The following IGLON5 variants were observed in gnomAD, a reference collection of about 807,000 sequenced individuals.
The protein encoded by IGLON5 is IgLON family member 5, also known as Ig-like domain-containing protein ENSP00000270642.
IGLON5 carries 16 observed loss-of-function variants against 38.2 expected under a neutral mutation model. The observed-to-expected ratio is 0.42, with a 90% CI of 0.28 to 0.64. The LOEUF (loss-of-function observed/expected upper bound fraction) is 0.64, where lower values mean the gene tolerates loss of function less well. Among genes scored for constraint, IGLON5 ranks in the 30% least tolerant of loss-of-function variants. IGLON5 has a pLI of 0.23. For synonymous variants in IGLON5, 207 were observed against 216.4 expected (o/e 0.96, Z 0.38); for missense variants, 366 against 483.4 (o/e 0.76, Z 2.28).
rs772175197 is a variant in IGLON5 at position 51,323,736 on chromosome 19, G to A, written c.233G>A (p.Arg78His). The A allele has an allele frequency of 1.2e-5, 19 of 1,613,834 alleles. No individual in the cohort carries two copies. Among genetic ancestry groups the A allele is most frequent in the South Asian group, 4.4e-5 (4 of 91,090 alleles). The change falls in exon 3 of 8, where the codon CGC becomes CAC. Residue 78 changes from arginine to histidine, a missense_variant. Physicochemically the swap from Arg to His is conservative, Grantham distance 29 (BLOSUM62 0). Coordinates refer to ENST00000270642, the MANE Select transcript of IGLON5 (RefSeq NM_001101372.3). ...AACATCCTGTATGCCGGCAATGACC[G>A]CTGGACCAGCGACCCGCGGGTGCGG... The part of the protein sequence containing the change: ...RSNILYAGND[R>H]WTSDPRVRLL...
At chr19:51,326,643 A>G in intron 4 of IGLON5, 121 bp from the exon 5 acceptor site, 1 of 150,832 alleles carries the variant, frequency 6.6e-6, no homozygotes, top group South Asian at 7.7e-5. Context: ...ACCCCCATTG[A>G]CCCGGGCACT....
chr19:51,326,607 C>T (rs928727311), intron 4 of IGLON5, among the ~76,000 whole-genome samples, 157 bp from the exon 5 acceptor site: 6 of 151,318 alleles, frequency 4.0e-5, no homozygotes, highest in East Asian at 1.9e-4. Flanking sequence ...CCCAGGCCCC[C>T]GGCCCTGCAG....
At chr19:51,326,596 TC>T (rs1296136880) in intron 4 of IGLON5, among the ~76,000 whole-genome samples, 167 bp from the exon 5 acceptor site, 1 of 109,906 alleles carries the variant, frequency 9.1e-6, no homozygotes, top group African/African-American at 3.6e-5. Flanking sequence ...GCTGGAGAGA[TC>T]CCAGGCCCCC....
chr19:51,313,475 ATACT>A (rs1305191427), intron 1 of IGLON5, among the ~76,000 whole-genome samples: 2 of 152,046 alleles, frequency 1.3e-5, no homozygotes, highest in Admixed American at 6.6e-5. Flanking sequence ...CAGTCTCTTG[ATACT>A]TGCTTGCTTC....
intron 1 of IGLON5, among the ~76,000 whole-genome samples, chr19:51,317,082 C>T (rs1237114554): frequency 2.0e-5 from 3 of 152,160 alleles, no homozygotes; most frequent in Non-Finnish European, 4.4e-5. Context: ...GATTCTCACC[C>T]CCAGCCCAAG....
intron 1 of IGLON5, among the ~76,000 whole-genome samples, chr19:51,315,248 G>C (rs1194338534): frequency 6.6e-6 from 1 of 151,912 alleles, no homozygotes; most frequent in Non-Finnish European, 1.5e-5. Flanking sequence ...TTTGCTTCTG[G>C]GGCAGCTAGC....
At chr19:51,319,157 T>C (rs1984993778) in intron 1 of IGLON5, among the ~76,000 whole-genome samples, 1 of 152,152 alleles carries the variant, frequency 6.6e-6, no homozygotes, top group Admixed American at 6.5e-5. Flanking sequence ...GTCTGGGGGA[T>C]AGGGCAGGGT....
intron 1 of IGLON5, among the ~76,000 whole-genome samples, chr19:51,315,801 T>C (rs968471569): frequency 6.2e-5 from 9 of 145,480 alleles, no homozygotes; most frequent in Non-Finnish European, 1.3e-4. Context: ...GTTCACACCA[T>C]TCTCCTGCCT....
rs185065680 is a variant in IGLON5, at chr19:51,316,216, G to A, written c.79+4290G>A. 4.4e-3 allele frequency among the ~76,000 whole-genome samples: 657 copies of A among 149,178 alleles called. 5 individuals are homozygous for A. Among genetic ancestry groups the A allele is most frequent in the African/African-American group, 0.015 (603 of 40,762 alleles). On this transcript the variant is annotated intron_variant, in intron 1 of 7. Transcript: ENST00000270642. ...AAAAAAAAGCCAGGCATGGTGGCAC[G>A]CACCAGTAGTCCCAGCTACTCAGGA... is the stretch of plus-strand genomic sequence containing the variant.
At chr19:51,326,671 C>T in intron 4 of IGLON5, 93 bp from the exon 5 acceptor site, 2 of 935,648 alleles carry the variant, frequency 2.1e-6, no homozygotes, top group African/African-American at 1.7e-5. Flanking sequence ...TTGCCGTGCC[C>T]GCCCCGCTGA....
intron 1 of IGLON5, among the ~76,000 whole-genome samples, chr19:51,321,565 GTATCTGTGTCTGTGTA>G (rs1985056299): frequency 6.7e-6 from 1 of 149,472 alleles, no homozygotes; most frequent in Admixed American, 6.7e-5. Context: ...GTGTACACAG[GTATCTGTGTCTGTGTA>G]TATGTGTCTG....
chr19:51,321,739 G>A (rs987795947), intron 1 of IGLON5, among the ~76,000 whole-genome samples: 4 of 152,218 alleles, frequency 2.6e-5, no homozygotes, highest in Non-Finnish European at 5.9e-5. Context: ...CTGGAGGTGT[G>A]TAGGTTTGTA....
In IGLON5 at chr19:51,316,937, G is replaced by A. The variant is rs1296629571; in HGVS notation, c.79+5011G>A. On this transcript the variant is annotated intron_variant, in intron 1 of 7. Transcript: ENST00000270642. ...CCTCCCTGCCCCAGTCTCATGCCCCGCCCCTCCACCCCCTACCTCCCAGGT... is the reference window on the plus strand; with the variant it reads ...CCTCCCTGCCCCAGTCTCATGCCCCACCCCTCCACCCCCTACCTCCCAGGT... Among the ~76,000 whole-genome samples, 12 of 56,498 alleles carry A rather than the reference G, an allele frequency of 2.1e-4. No homozygotes were observed. The East Asian group carries it at 6.3e-3, about 30-fold the overall frequency. The allele number at this position is 56,498 out of a possible 152,430, so 37.1% of individuals were successfully genotyped here.
At position 51,323,751 on chromosome 19, in the gene IGLON5, C is replaced by A. The variant is rs768909207; in HGVS notation, c.248C>A (p.Pro83Gln). The change falls in exon 3 of 8, where the codon CCG (proline) becomes CAG (glutamine). Residue 83 changes from proline to glutamine, a missense_variant. Transcript: ENST00000270642. ...YAGNDRWTSDPRVRLLINTPE... is the reference protein window; with the variant it reads ...YAGNDRWTSDQRVRLLINTPE... ...GGCAATGACCGCTGGACCAGCGACC[C>A]GCGGGTGCGGCTGCTCATCAACACC... The A allele has an allele frequency of 6.2e-7, 1 of 1,613,968 alleles. No homozygotes were observed. The highest frequency in any genetic ancestry group is 1.1e-5 in the South Asian group (1 of 91,084).
intron 1 of IGLON5, among the ~76,000 whole-genome samples, chr19:51,313,663 C>CTTTCTTTCTT (rs1984834508): frequency 1.4e-5 from 1 of 72,146 alleles, no homozygotes; most frequent in Admixed American, 1.3e-4. Context: ...TTCTTTCTTT[C>CTTTCTTTCTT]TTTCTTTCTT....
intron 1 of IGLON5, among the ~76,000 whole-genome samples, chr19:51,312,314 G>T (rs1984786671): frequency 6.6e-6 from 1 of 151,948 alleles, no homozygotes; most frequent in Admixed American, 6.5e-5. Context: ...TTGGGGTGGG[G>T]GGCAGGGGAT....
rs759387081 is a variant in IGLON5, at chr19:51,327,906, G to GGGGCC, written c.922+24_922+28dup. The GGGGCC allele has an allele frequency of 3.4e-5, 51 of 1,484,464 alleles. No homozygotes were observed. The South Asian group carries it at 3.9e-4, about 11-fold the overall frequency. The allele number at this position is 1,484,464 out of a possible 1,614,324, so 92.0% of individuals were successfully genotyped here. On this transcript the variant is annotated intron_variant, in intron 7 of 7. Transcript: ENST00000270642. The surrounding 1 kb of genome is among the most constrained non-coding windows in gnomAD (Gnocchi z 7.1). The stretch of plus-strand genomic sequence containing the variant: ...TCCTGCGTGCGTCTTCGGGCGGGGC[G>GGGGCC]GGGCCGGGAAGGTGGGCGGGGCCGG...
At chr19:51,326,966 G>T in intron 5 of IGLON5, 68 bp downstream of exon 5, 1 of 1,574,682 alleles carries the variant, frequency 6.4e-7, no homozygotes, top group East Asian at 2.3e-5. Flanking sequence ...GAGGGATCTG[G>T]GGGAAGAGGA....
chr19:51,323,972 G>A lies in IGLON5; in HGVS notation c.391+78G>A, dbSNP rs1985152390. 10 of 980,632 alleles carry A rather than the reference G, an allele frequency of 1.0e-5. No individual in the cohort carries two copies. In the South Asian group the frequency reaches 1.2e-4, roughly 12 times the overall value. 60.7% of individuals were successfully genotyped at this position (980,632 alleles called of 1,614,324 possible). ...GACTAGGCATGATGACAGATACCAC[G>A]TGTTCCCCAACCCCAGGGATACATA... On this transcript the variant is annotated intron_variant, in intron 3 of 7. Transcript: ENST00000270642.
Sources: allele counts gnomAD v4.1 joint callset (sites outside exome capture counted in the v4.1 genomes callset), GRCh38; gene constraint gnomAD v4.1.1; non-coding constraint Gnocchi (gnomAD v3.1); transcripts MANE v1.5; gene names NCBI Gene and HGNC (gene_info 2026-07-23, HGNC 2026-07-21).